PRKG2: variants seen among roughly 807,000 people sequenced by gnomAD.
PRKG2 encodes the protein cGMP-dependent protein kinase 2.
Under a neutral mutation model 97.2 loss-of-function variants are expected in PRKG2, and 33 were observed. The observed-to-expected ratio is 0.34, with a 90% CI of 0.26 to 0.45. The LOEUF (loss-of-function observed/expected upper bound fraction) is 0.45. Ranked by LOEUF, PRKG2 falls within the 20% of genes least tolerant of loss-of-function variation. PRKG2 has a pLI of 1.00. For synonymous variants in PRKG2, 330 were observed against 321.8 expected, an observed-to-expected ratio of 1.03 and a Z score of -0.27; for missense variants, 638 against 900.0, an observed-to-expected ratio of 0.71 and a Z score of 3.73.
intron 6 of PRKG2, among the ~76,000 whole-genome samples, chr4:81,156,583 A>G (rs902393583): frequency 1.1e-4 from 16 of 152,184 alleles, no homozygotes; most frequent in African/African-American, 3.9e-4. Flanking sequence ...AGCTGACCTA[A>G]TAGACATCTA....
Position 81,135,218 on chromosome 4 carries a change from A to G in PRKG2, c.1713T>C (p.Gly571=). The change falls in exon 14 of 19, where the codon GGT becomes GGC. Residue 571 remains glycine (G), a synonymous_variant. Coordinates refer to ENST00000264399, the MANE Select transcript of PRKG2 (RefSeq NM_006259.3). The part of the protein sequence containing the change: ...TEAFDYLHRL[G]IIYRDLKPEN... ...CTGGTTTCAAGTCTCTGTAGATAAT[A>G]CCTAGTCGATGCAGGTAATCAAATG... 1 of 1,612,958 alleles carries G rather than the reference A, an allele frequency of 6.2e-7. No homozygotes were observed. The highest frequency in any genetic ancestry group is 8.5e-7 in the Non-Finnish European group (1 of 1,179,142).
At chr4:81,099,056 T>C (rs115531075) in intron 17 of PRKG2, among the ~76,000 whole-genome samples, 1,897 of 152,298 alleles carry the variant, frequency 0.012, 17 homozygotes, top group Non-Finnish European at 0.02. Flanking sequence ...AGGAAAGATG[T>C]CATTGTACCT....
chr4:81,208,514 T>C (rs1753799510), intron 1 of PRKG2, among the ~76,000 whole-genome samples: 1 of 152,132 alleles, frequency 6.6e-6, no homozygotes, highest in African/African-American at 2.4e-5. Context: ...CTGAAACTCC[T>C]GGGCTCAAGT....
chr4:81,161,509 C>T (rs1174055944), intron 6 of PRKG2, among the ~76,000 whole-genome samples: 1 of 152,126 alleles, frequency 6.6e-6, no homozygotes, highest in Admixed American at 6.6e-5. Context: ...CAGGATGGAG[C>T]TCAAGGTATC....
intron 14 of PRKG2, among the ~76,000 whole-genome samples, chr4:81,129,619 G>A (rs1345718407): frequency 6.6e-6 from 1 of 151,946 alleles, no homozygotes; most frequent in East Asian, 1.9e-4. Context: ...ATCTTTGTTG[G>A]TTTAAAGTTT....
intron 17 of PRKG2, among the ~76,000 whole-genome samples, chr4:81,093,524 A>T (rs960742997): frequency 1.3e-5 from 2 of 152,178 alleles, no homozygotes; most frequent in Non-Finnish European, 2.9e-5. Flanking sequence ...AGCAAGCTCC[A>T]TGAGGGCAGA....
chr4:81,171,456 T>G (rs912664709), intron 4 of PRKG2, among the ~76,000 whole-genome samples: 1 of 152,138 alleles, frequency 6.6e-6, no homozygotes, highest in Admixed American at 6.6e-5. Context: ...CCGTTGTGAA[T>G]AGTTAAAAGC....
At chr4:81,139,851 T>C (rs776641033) in intron 12 of PRKG2, among the ~76,000 whole-genome samples, 49 of 151,718 alleles carry the variant, frequency 3.2e-4, no homozygotes, top group Non-Finnish European at 3.4e-4. Flanking sequence ...ACTTCTAACA[T>C]TTTTAGTACT....
At chr4:81,148,331 C>A (rs1748058161) in intron 9 of PRKG2, among the ~76,000 whole-genome samples, 1 of 152,040 alleles carries the variant, frequency 6.6e-6, no homozygotes, top group African/African-American at 2.4e-5. Context: ...CAGATTCAAA[C>A]ATTATTTCAA....
intron 14 of PRKG2, among the ~76,000 whole-genome samples, chr4:81,126,947 T>C (rs902992861): frequency 1.3e-5 from 2 of 152,224 alleles, no homozygotes; most frequent in Admixed American, 6.5e-5. Context: ...TCTTTGCCCA[T>C]GCCTATGCCC....
At position 81,171,644 on chromosome 4, in the gene PRKG2, T is replaced by C. The variant is rs199672051; in HGVS notation, c.742+47A>G. ...AAATGTGACTGGACTAGATTATCTT[T>C]AACATGCCACAACAATTCAAAGATG... is the stretch of plus-strand genomic sequence containing the variant. On this transcript the variant is annotated intron_variant, in intron 4 of 18. Transcript: ENST00000264399. 3,041 of 1,452,572 alleles carry C rather than the reference T, an allele frequency of 2.1e-3. 2 individuals are homozygous for C. Among genetic ancestry groups the C allele is most frequent in the South Asian group, 2.9e-3 (226 of 77,040 alleles). 90.0% of individuals were successfully genotyped at this position (1,452,572 alleles called of 1,614,324 possible).
chr4:81,163,863 TACACACACACAC>T (rs5859761), intron 6 of PRKG2, among the ~76,000 whole-genome samples: 246 of 144,758 alleles, frequency 1.7e-3, no homozygotes, highest in African/African-American at 4.6e-3. Context: ...AGATGTATAG[TACACACACACAC>T]ACACACACAC....
At chr4:81,127,122 G>A (rs902963934) in intron 14 of PRKG2, among the ~76,000 whole-genome samples, 1 of 152,124 alleles carries the variant, frequency 6.6e-6, no homozygotes, top group Non-Finnish European at 1.5e-5. Context: ...ATTGATTAGG[G>A]AATCCTTTCC....
chr4:81,192,099 A>G (rs1180278764), intron 2 of PRKG2: 1 of 152,252 alleles, frequency 6.6e-6, no homozygotes, highest in Non-Finnish European at 1.5e-5. Flanking sequence ...AATTGTATAT[A>G]GTCATACAGG....
At chr4:81,140,705 T>C in intron 11 of PRKG2, 36 bp from the exon 12 acceptor site, 3 of 1,556,260 alleles carry the variant, frequency 1.9e-6, no homozygotes, top group Non-Finnish European at 2.7e-6. Flanking sequence ...CAAAATTAAC[T>C]TATATCTATA....
At chr4:81,210,607 T>C (rs967304485) in intron 1 of PRKG2, among the ~76,000 whole-genome samples, 1 of 152,154 alleles carries the variant, frequency 6.6e-6, no homozygotes, top group Non-Finnish European at 1.5e-5. Context: ...CTAGTGGGAA[T>C]ACAAAATGAT....
chr4:81,101,701 A>T lies in PRKG2; in HGVS notation c.2126+2669T>A, dbSNP rs559542283. ...ATGCACGTTGTGCACATGTACCCTA[A>T]AACTTAAAATATAATAAAAAAAAAG... On this transcript the variant is annotated intron_variant, in intron 17 of 18. Coordinates refer to ENST00000264399, the MANE Select transcript of PRKG2 (RefSeq NM_006259.3). Among the ~76,000 whole-genome samples, 3 of 142,534 alleles carry T rather than the reference A, an allele frequency of 2.1e-5. No individual in the cohort carries two copies. In the South Asian group the frequency reaches 6.7e-4, roughly 32 times the overall value. The allele number at this position is 142,534 out of a possible 152,430, so 93.5% of individuals were successfully genotyped here.
At chr4:81,101,639 C>T (rs1313069096) in intron 17 of PRKG2, among the ~76,000 whole-genome samples, 1 of 150,820 alleles carries the variant, frequency 6.6e-6, no homozygotes, top group African/African-American at 2.4e-5. Context: ...CTGAGTGCAG[C>T]ACACCAACAT....
intron 17 of PRKG2, among the ~76,000 whole-genome samples, chr4:81,094,349 GA>G (rs202080336): frequency 2.1e-4 from 31 of 148,542 alleles, no homozygotes; most frequent in African/African-American, 2.5e-4. Context: ...AGTTCTCTAA[GA>G]AAAAAAAAAG....
Sources: gnomAD v4.1 joint callset for allele counts (sites outside exome capture counted in the v4.1 genomes callset) on GRCh38, gnomAD v4.1.1 for gene constraint, MANE v1.5 for transcripts, NCBI Gene and HGNC (gene_info 2026-07-23, HGNC 2026-07-21) for gene names.